The following HEATR5A variants were observed in gnomAD, a reference collection of about 807,000 sequenced individuals.
The protein encoded by HEATR5A is HEAT repeat containing 5A.
Under a neutral mutation model 218.8 loss-of-function variants are expected in HEATR5A, and 178 were observed. The observed-to-expected ratio is 0.81, with a 90% CI of 0.72 to 0.92. The LOEUF (loss-of-function observed/expected upper bound fraction) is 0.92, where lower values mean the gene tolerates loss of function less well. Among genes scored for constraint, HEATR5A ranks in the 40% least tolerant of loss-of-function variants. The probability of loss-of-function intolerance (pLI) is 0.00; values close to 1 mark genes in which losing one functional copy is unlikely to be tolerated. For synonymous variants in HEATR5A, 864 were observed against 871.6 expected (o/e 0.99, Z 0.15); for missense variants, 2,420 against 2,418.9 (o/e 1.00, Z -0.01).
intron 16 of HEATR5A, 40 bp from the exon 17 acceptor site, chr14:31,350,757 AG>A: frequency 1.0e-6 from 1 of 955,566 alleles, no homozygotes; most frequent in Non-Finnish European, 1.6e-6. Flanking sequence ...CAAGTAGGTA[AG>A]TTTTTGTTTG....
chr14:31,370,377 T>C lies in HEATR5A; in HGVS notation c.1961+1433A>G, dbSNP rs763768499. Reference sequence around the variant, plus strand: ...AACATATAAAATTATACTTAAACCGTCAGGAAACCGATATACAATTAAAAC... The same window carrying C: ...AACATATAAAATTATACTTAAACCGCCAGGAAACCGATATACAATTAAAAC... On this transcript the variant is annotated intron_variant, in intron 13 of 35. Transcript: ENST00000543095. Among the ~76,000 whole-genome samples, 68 of 152,150 alleles carry C rather than the reference T, an allele frequency of 4.5e-4. 2 individuals are homozygous for C. The highest frequency in any genetic ancestry group is 2.0e-4 in the Admixed American group (3 of 15,274).
intron 13 of HEATR5A, among the ~76,000 whole-genome samples, chr14:31,365,752 T>C (rs1259506564): frequency 6.6e-6 from 1 of 151,516 alleles, no homozygotes; most frequent in Non-Finnish European, 1.5e-5. Flanking sequence ...GCAGCCTCAA[T>C]CTCCTGGGCT....
chr14:31,341,873 A>G (rs1458740740), intron 21 of HEATR5A, among the ~76,000 whole-genome samples: 1 of 152,208 alleles, frequency 6.6e-6, no homozygotes, highest in Non-Finnish European at 1.5e-5. Flanking sequence ...TTAAATGGAG[A>G]GTAAAAGATC....
At chr14:31,357,817 C>A (rs892165126) in intron 16 of HEATR5A, among the ~76,000 whole-genome samples, 3 of 152,162 alleles carry the variant, frequency 2.0e-5, no homozygotes, top group African/African-American at 7.2e-5. Flanking sequence ...TTACCACAAT[C>A]AAGTTAATTA....
Position 31,305,071 on chromosome 14 carries a change from C to A in HEATR5A, c.5073G>T (p.Leu1691Phe). ...GCTGTCTAACTAGAATGCATACACA[C>A]AATTCCAGTGTTGCAAAGACCAAAG... The part of the protein sequence containing the change: ...GKSLVFATLE[L>F]CVCILVRQLP... The change falls in exon 32 of 36, where the codon TTG (leucine) becomes TTT (phenylalanine). Residue 1691 changes from leucine (L) to phenylalanine (F), a missense_variant. Leu to Phe is a conservative substitution (Grantham distance 22). Transcript: ENST00000543095. 6.2e-7 allele frequency: 1 copy of A among 1,613,958 alleles called. No individual in the cohort carries two copies. The highest frequency in any genetic ancestry group is 8.5e-7 in the Non-Finnish European group (1 of 1,179,866).
intron 16 of HEATR5A, among the ~76,000 whole-genome samples, chr14:31,354,147 G>A (rs1423342027): frequency 6.6e-6 from 1 of 151,830 alleles, no homozygotes; most frequent in Non-Finnish European, 1.5e-5. Flanking sequence ...GCAACCTACA[G>A]GAAGATTACG....
intron 9 of HEATR5A, among the ~76,000 whole-genome samples, chr14:31,384,202 G>T (rs2030110776): frequency 6.6e-6 from 1 of 152,058 alleles, no homozygotes; most frequent in Non-Finnish European, 1.5e-5. Flanking sequence ...CAGCACTTTG[G>T]GAGGCCAAGG....
In HEATR5A at chr14:31,294,092, T is replaced by C; in HGVS notation, c.5632A>G (p.Thr1878Ala). ...EIKDPVVQIK[T>A]YQLLHSIFQY... Reference sequence around the variant, plus strand: ...AAGATGGAATGTAGGAGCTGGTAGGTCTTGATTTGTACCTAATAAGGTAAG... The same window carrying C: ...AAGATGGAATGTAGGAGCTGGTAGGCCTTGATTTGTACCTAATAAGGTAAG... The change falls in exon 35 of 36, where the codon ACC becomes GCC. Residue 1878 changes from threonine (T) to alanine (A), a missense_variant. Coordinates refer to ENST00000543095, the MANE Select transcript of HEATR5A (RefSeq NM_015473.4). 6 of 1,584,094 alleles carry C rather than the reference T, an allele frequency of 3.8e-6. No individual in the cohort carries two copies. The Admixed American group carries it at 7.2e-5, about 19-fold the overall frequency.
intron 13 of HEATR5A, among the ~76,000 whole-genome samples, chr14:31,366,188 C>T (rs936454727): frequency 2.6e-5 from 4 of 152,096 alleles, no homozygotes; most frequent in South Asian, 2.1e-4. Context: ...GCCAGATGAT[C>T]GCTTGAGCCC....
At chr14:31,312,182 T>C (rs1899776844) in intron 28 of HEATR5A, among the ~76,000 whole-genome samples, 1 of 152,120 alleles carries the variant, frequency 6.6e-6, no homozygotes, top group Non-Finnish European at 1.5e-5. Context: ...GCTAAATCTT[T>C]TGAAGAGAAA....
chr14:31,405,188 C>A (rs900270879), intron 1 of HEATR5A, among the ~76,000 whole-genome samples: 3 of 152,076 alleles, frequency 2.0e-5, no homozygotes, highest in African/African-American at 7.2e-5. Context: ...AATCCCAGCA[C>A]TTTGGGAAGC....
At chr14:31,399,700 T>A (rs998334095) in intron 3 of HEATR5A, among the ~76,000 whole-genome samples, 2 of 152,110 alleles carry the variant, frequency 1.3e-5, no homozygotes, top group Non-Finnish European at 2.9e-5. Context: ...AGTGGTGCCA[T>A]GTGCCTGTAG....
chr14:31,385,387 C>G (rs2030175192), intron 9 of HEATR5A, among the ~76,000 whole-genome samples: 2 of 152,058 alleles, frequency 1.3e-5, no homozygotes. Context: ...TTTTGGTCTC[C>G]TAAAGTGCTG....
Position 31,395,350 on chromosome 14 carries a change from T to G in HEATR5A, c.448-2A>C. On this transcript the variant is annotated splice_acceptor_variant, in intron 4 of 35. Transcript: ENST00000543095. LOFTEE classifies it high-confidence loss of function. ...CATAATCTCATATCGGCCTTGAGAC[T>G]TCCAAAAAGAAAAAAAATTAAATAG... 6.8e-7 allele frequency: 1 copy of G among 1,478,550 alleles called. No individual in the cohort carries two copies. Among genetic ancestry groups the G allele is most frequent in the Non-Finnish European group, 9.0e-7 (1 of 1,110,966 alleles). 91.6% of individuals were successfully genotyped at this position (1,478,550 alleles called of 1,614,324 possible).
chr14:31,293,812 C>T, intron 35 of HEATR5A, 79 bp downstream of exon 35: 1 of 1,217,006 alleles, frequency 8.2e-7, no homozygotes, highest in Non-Finnish European at 1.2e-6. Flanking sequence ...TATAATGTGA[C>T]TGATTGTTTT....
At chr14:31,346,827 G>GT in intron 19 of HEATR5A, among the ~76,000 whole-genome samples, 1 of 152,178 alleles carries the variant, frequency 6.6e-6, no homozygotes, top group Admixed American at 6.5e-5. Flanking sequence ...ACATTAATAA[G>GT]GGAGACAGAT....
rs147820253 is a variant in HEATR5A at position 31,387,089 on chromosome 14, T to C, written c.1189+31A>G. 416 of 1,609,482 alleles carry C rather than the reference T, an allele frequency of 2.6e-4. 3 individuals are homozygous for C. The East Asian group carries it at 9.1e-3, about 35-fold the overall frequency. On this transcript the variant is annotated intron_variant, in intron 8 of 35. Coordinates refer to ENST00000543095, the MANE Select transcript of HEATR5A (RefSeq NM_015473.4). ...CAAAGGGACAATTCCATTAGCACTG[T>C]TAAACAAACTGTCTTAGTAGAGATC...
At chr14:31,385,491 A>G (rs970890072) in intron 9 of HEATR5A, among the ~76,000 whole-genome samples, 1 of 152,084 alleles carries the variant, frequency 6.6e-6, no homozygotes, top group Non-Finnish European at 1.5e-5. Flanking sequence ...CCATATATTG[A>G]ATGATTTTTT....
At chr14:31,391,946 A>G (rs1278547042) in intron 6 of HEATR5A, among the ~76,000 whole-genome samples, 1 of 152,204 alleles carries the variant, frequency 6.6e-6, no homozygotes, top group Non-Finnish European at 1.5e-5. Context: ...CAATGACAAA[A>G]TCACTTCATG....
Sources: gnomAD v4.1 joint callset for allele counts (sites outside exome capture counted in the v4.1 genomes callset) on GRCh38, gnomAD v4.1.1 for gene constraint, MANE v1.5 for transcripts, NCBI Gene and HGNC (gene_info 2026-07-23, HGNC 2026-07-21) for gene names.